CSMD1: variants seen among roughly 807,000 people sequenced by gnomAD.
CSMD1 encodes CUB and sushi domain-containing protein 1.
Under a neutral mutation model 417.5 loss-of-function variants are expected in CSMD1, and 213 were observed. The observed-to-expected ratio is 0.51, with a 90% CI of 0.46 to 0.57. The LOEUF is 0.57. CSMD1 is among the 20% of genes least tolerant of loss of function. The probability of loss-of-function intolerance (pLI) is 0.00; values close to 1 mark genes in which losing one functional copy is unlikely to be tolerated. For synonymous variants in CSMD1, 2,862 were observed against 1,736.8 expected (o/e 1.65, Z -16.11); for missense variants, 6,923 against 4,529.7 (o/e 1.53, Z -15.17).
intron 25 of CSMD1, among the ~76,000 whole-genome samples, chr8:3,293,209 G>A (rs1003391104): frequency 4.6e-5 from 7 of 152,050 alleles, no homozygotes; most frequent in African/African-American, 1.4e-4. Context: ...TTGGTCTGAT[G>A]GGCTTCCTTT....
chr8:3,343,168 A>C (rs566588206), intron 23 of CSMD1, 126 bp downstream of exon 23: 1 of 728,406 alleles, frequency 1.4e-6, no homozygotes, highest in East Asian at 2.7e-5. Flanking sequence ...GTACAGAATT[A>C]AACTGCAATC....
At chr8:4,144,886 T>TA (rs1168059201) in intron 3 of CSMD1, among the ~76,000 whole-genome samples, 1 of 150,832 alleles carries the variant, frequency 6.6e-6, no homozygotes, top group African/African-American at 2.5e-5. Flanking sequence ...GAAATAGAAC[T>TA]AAAAAATAGG....
intron 2 of CSMD1, among the ~76,000 whole-genome samples, chr8:4,604,207 C>G (rs944870086): frequency 1.3e-5 from 2 of 152,092 alleles, no homozygotes; most frequent in African/African-American, 4.8e-5. Flanking sequence ...AACAAGTACT[C>G]TACCCCTAAG....
chr8:4,676,919 C>T (rs924246462), intron 1 of CSMD1, among the ~76,000 whole-genome samples: 1 of 147,106 alleles, frequency 6.8e-6, no homozygotes, highest in East Asian at 2.0e-4. Context: ...ATTTTATATA[C>T]ATAGAGAGAG....
At chr8:3,071,067 G>C (rs768670447) in intron 49 of CSMD1, among the ~76,000 whole-genome samples, 1 of 152,148 alleles carries the variant, frequency 6.6e-6, no homozygotes, top group Non-Finnish European at 1.5e-5. Context: ...AGGAGCAAGA[G>C]GTGGGTGGGG....
intron 2 of CSMD1, among the ~76,000 whole-genome samples, chr8:4,430,375 T>G (rs1797806347): frequency 6.6e-6 from 1 of 152,184 alleles, no homozygotes; most frequent in Admixed American, 6.5e-5. Flanking sequence ...GCTTATCAGT[T>G]TATTCAAATA....
rs548919156 is a variant in CSMD1, at chr8:3,052,690, T to C, written c.7475-43A>G. 3 of 1,400,520 alleles carry C rather than the reference T, an allele frequency of 2.1e-6. No homozygotes were observed. The African/African-American group carries it at 4.4e-5, about 21-fold the overall frequency. The allele number at this position is 1,400,520 out of a possible 1,614,324, so 86.8% of individuals were successfully genotyped here. On this transcript the variant is annotated intron_variant, in intron 49 of 69. Coordinates refer to ENST00000635120, the MANE Select transcript of CSMD1 (RefSeq NM_033225.6). ...AAATGTAGGCTTATTCTTACAGAAA[T>C]TATTTTCCAGCTATTAAAACCATTG...
intron 1 of CSMD1, among the ~76,000 whole-genome samples, chr8:4,906,719 G>C (rs942841717): frequency 1.3e-5 from 2 of 152,282 alleles, no homozygotes; most frequent in Admixed American, 6.5e-5. Context: ...ACCATGTCCA[G>C]CTAATTTTTG....
At chr8:3,150,433 T>C (rs543353726) in intron 40 of CSMD1, among the ~76,000 whole-genome samples, 6 of 152,316 alleles carry the variant, frequency 3.9e-5, no homozygotes, top group Non-Finnish European at 7.4e-5. Context: ...CGACTGTTCA[T>C]TCCCCGGCCA....
chr8:3,297,805 A>G (rs1170312943), intron 25 of CSMD1, among the ~76,000 whole-genome samples: 3 of 152,218 alleles, frequency 2.0e-5, no homozygotes, highest in Admixed American at 1.3e-4. Flanking sequence ...GTGGCATAGC[A>G]TACATTTAAA....
chr8:4,479,622 G>T (rs1800979999), intron 2 of CSMD1, among the ~76,000 whole-genome samples: 1 of 152,124 alleles, frequency 6.6e-6, no homozygotes, highest in Non-Finnish European at 1.5e-5. Context: ...CCAGCTGGGT[G>T]CAGTGGCTCA....
At chr8:4,961,702 G>T (rs57002338) in intron 1 of CSMD1, among the ~76,000 whole-genome samples, 50,404 of 151,738 alleles carry the variant, frequency 0.33, 9,247 homozygotes, top group East Asian at 0.56. Context: ...TTTCTGAAAT[G>T]ATAACGTAAT....
At chr8:4,971,706 T>TATAA (rs1491581003) in intron 1 of CSMD1, among the ~76,000 whole-genome samples, 2 of 148,020 alleles carry the variant, frequency 1.4e-5, no homozygotes, top group Non-Finnish European at 3.0e-5. Flanking sequence ...TATATATATA[T>TATAA]AATTTGCTTC....
intron 11 of CSMD1, among the ~76,000 whole-genome samples, chr8:3,470,021 A>T (rs1816997014): frequency 6.6e-6 from 1 of 152,164 alleles, no homozygotes; most frequent in Non-Finnish European, 1.5e-5. Context: ...AAGCGCACAG[A>T]TCGTGAATGT....
intron 4 of CSMD1, among the ~76,000 whole-genome samples, chr8:4,006,797 C>T (rs1417223857): frequency 1.3e-5 from 2 of 148,932 alleles, no homozygotes; most frequent in African/African-American, 2.5e-5. Context: ...TTTCTTTTGT[C>T]GCTGAGAGAA....
In CSMD1 at chr8:4,634,018, G is replaced by C. The variant is rs1426925304; in HGVS notation, c.302+3324C>G. Among the ~76,000 whole-genome samples, 5 of 148,248 alleles carry C rather than the reference G, an allele frequency of 3.4e-5. No individual in the cohort carries two copies. The East Asian group carries it at 7.8e-4, about 23-fold the overall frequency. On this transcript the variant is annotated intron_variant, in intron 2 of 69. Coordinates refer to ENST00000635120, the MANE Select transcript of CSMD1 (RefSeq NM_033225.6). ...CATTAAAAAAAAAAAAAACAATGAA[G>C]AGATGCTTTAATTCTAAATAACACA...
chr8:3,704,046 G>C (rs1400691536), intron 7 of CSMD1, among the ~76,000 whole-genome samples: 5 of 152,160 alleles, frequency 3.3e-5, no homozygotes, highest in Non-Finnish European at 5.9e-5. Flanking sequence ...ACTCCAACCT[G>C]GGTGTCAGAG....
At chr8:4,782,131 G>A (rs539757086) in intron 1 of CSMD1, among the ~76,000 whole-genome samples, 3 of 152,182 alleles carry the variant, frequency 2.0e-5, no homozygotes, top group South Asian at 4.2e-4. Flanking sequence ...GGAGGAAGGG[G>A]AGAGAGGTTG....
intron 5 of CSMD1, among the ~76,000 whole-genome samples, chr8:3,913,395 C>A (rs561086899): frequency 1.3e-5 from 2 of 152,138 alleles, no homozygotes; most frequent in South Asian, 4.2e-4. Flanking sequence ...AACTTCCAGA[C>A]CAGAAGAAGC....
Sources: allele counts gnomAD v4.1 joint callset (sites outside exome capture counted in the v4.1 genomes callset), GRCh38; gene constraint gnomAD v4.1.1; transcripts MANE v1.5; gene names NCBI Gene and HGNC (gene_info 2026-07-23, HGNC 2026-07-21).